DLG4: variants seen among roughly 807,000 people sequenced by gnomAD.
DLG4 encodes discs large MAGUK scaffold protein 4, also known as disks large homolog 4.
A neutral mutation model predicts 93.8 loss-of-function variants in DLG4; 7 were observed. The ratio of observed to expected loss-of-function variants is 0.07; its 90% CI spans 0.04 to 0.14. The LOEUF is 0.14. Among genes scored for constraint, DLG4 ranks in the 10% least tolerant of loss-of-function variants. The probability of loss-of-function intolerance (pLI) is 1.00; values close to 1 mark genes in which losing one functional copy is unlikely to be tolerated. For synonymous variants in DLG4, 341 were observed against 387.6 expected (o/e 0.88, Z 1.41); for missense variants, 545 against 992.9 (o/e 0.55, Z 6.06).
chr17:7,191,856 G>T lies in DLG4; in HGVS notation c.1976+37C>A. The T allele has an allele frequency of 7.3e-7, 1 of 1,370,478 alleles. No homozygotes were observed. The highest frequency in any genetic ancestry group is 9.7e-7 in the Non-Finnish European group (1 of 1,030,070). 84.9% of individuals were successfully genotyped at this position (1,370,478 alleles called of 1,614,324 possible). On this transcript the variant is annotated intron_variant, in intron 18 of 19. Transcript: ENST00000399506. The surrounding 1 kb of genome is among the most constrained non-coding windows in gnomAD (Gnocchi z 6.6). ...TGTGAGGCCCAGGGCCACAGGTGTTGGGGGAGCAAAGGGGAGGCCCCCAGG... is the reference window on the plus strand; with the variant it reads ...TGTGAGGCCCAGGGCCACAGGTGTTTGGGGAGCAAAGGGGAGGCCCCCAGG...
Position 7,194,204 on chromosome 17 carries a change from G to C in DLG4, c.1478+115C>G. ...CCACGGACCCCAGGAGGGCCCAACA[G>C]ACAAACCCCTAGGAGTTCAGAGGGC... On this transcript the variant is annotated intron_variant, in intron 12 of 19. Coordinates refer to ENST00000399506, the MANE Select transcript of DLG4 (RefSeq NM_001321075.3). This position sits in a 1 kb window ranked among gnomAD's most constrained non-coding sequence, Gnocchi z 4.4. 1 of 1,423,424 alleles carries C rather than the reference G, an allele frequency of 7.0e-7. No homozygotes were observed. Among genetic ancestry groups the C allele is most frequent in the South Asian group, 1.4e-5 (1 of 71,692 alleles). 88.2% of individuals were successfully genotyped at this position (1,423,424 alleles called of 1,614,324 possible). A position where few individuals can be genotyped will look rare whatever the true frequency, so the allele number is the denominator to read the frequency against.
rs911866157 is a variant in DLG4, at chr17:7,187,718, A to G, written c.*2990T>C. 1.4e-4 allele frequency among the ~76,000 whole-genome samples: 21 copies of G among 152,050 alleles called. No homozygotes were observed. The highest frequency in any genetic ancestry group is 5.1e-4 in the African/African-American group (21 of 41,398). Reference sequence around the variant, plus strand: ...CCTTCAGCTCACGATAGAGAACGTTATCACAGCCTCAAGCCATCTGCTATT... The same window carrying G: ...CCTTCAGCTCACGATAGAGAACGTTGTCACAGCCTCAAGCCATCTGCTATT... On this transcript the variant is annotated 3_prime_UTR_variant, in exon 20 of 20. Coordinates refer to ENST00000399506, the MANE Select transcript of DLG4 (RefSeq NM_001321075.3).
intron 2 of DLG4, chr17:7,207,939 C>T (rs535146550): frequency 1.3e-6 from 1 of 765,908 alleles, no homozygotes; most frequent in Admixed American, 4.5e-5. Context: ...CCCAGGAGCC[C>T]AAGCCCCAAA....
chr17:7,190,963 CTTTTTTTTTTTTT>C, intron 19 of DLG4, 149 bp from the exon 20 acceptor site: 1 of 347,444 alleles, frequency 2.9e-6, no homozygotes, highest in Admixed American at 4.7e-5. Context: ...AGGGGCACCT[CTTTTTTTTTTTTT>C]TTTTTTTTTT....
Position 7,187,311 on chromosome 17 carries a change from G to T in DLG4, c.*3397C>A, listed in dbSNP as rs890330666. On this transcript the variant is annotated 3_prime_UTR_variant, in exon 20 of 20. Transcript: ENST00000399506. ...TCCTAGCACTTTGGGAGGCCGAGGG[G>T]GGGGGGGGTGGATCACCCGAGGTCA... 2.4e-5 allele frequency among the ~76,000 whole-genome samples: 3 copies of T among 125,690 alleles called. No individual in the cohort carries two copies. Among genetic ancestry groups the T allele is most frequent in the East Asian group, 4.9e-4 (2 of 4,114 alleles). 82.5% of individuals were successfully genotyped at this position (125,690 alleles called of 152,430 possible). A position where few individuals can be genotyped will look rare whatever the true frequency, so the allele number is the denominator to read the frequency against.
In DLG4 at chr17:7,217,591, G is replaced by T; in HGVS notation, c.-444C>A. 7.2e-7 allele frequency: 1 copy of T among 1,386,836 alleles called. No individual in the cohort carries two copies. Among genetic ancestry groups the T allele is most frequent in the South Asian group, 1.4e-5 (1 of 69,276 alleles). 85.9% of individuals were successfully genotyped at this position (1,386,836 alleles called of 1,614,324 possible). A position where few individuals can be genotyped will look rare whatever the true frequency, so the allele number is the denominator to read the frequency against. ...GGGTTGGAAACGGCAGCGGCCGAGG[G>T]AGCCGTGGAGCCGAAGAGGGAAGGG... On this transcript the variant is annotated 5_prime_UTR_variant, in exon 1 of 20. Coordinates refer to ENST00000399506, the MANE Select transcript of DLG4 (RefSeq NM_001321075.3).
At chr17:7,218,453 A>T (rs2071035925), upstream of DLG4, 5 of 1,440,346 alleles carry the variant, frequency 3.5e-6, no homozygotes, top group Non-Finnish European at 4.8e-6. Flanking sequence ...TCCAGCTTGG[A>T]CCAAATGATC....
Position 7,191,743 on chromosome 17 carries a change from C to A in DLG4, c.1976+150G>T. 1 of 597,316 alleles carries A rather than the reference C, an allele frequency of 1.7e-6. No individual in the cohort carries two copies. Among genetic ancestry groups the A allele is most frequent in the East Asian group, 2.8e-5 (1 of 35,808 alleles). 37.0% of individuals were successfully genotyped at this position (597,316 alleles called of 1,614,324 possible). A position where few individuals can be genotyped will look rare whatever the true frequency, so the allele number is the denominator to read the frequency against. On this transcript the variant is annotated intron_variant, in intron 18 of 19. Transcript: ENST00000399506. This position sits in a 1 kb window ranked among gnomAD's most constrained non-coding sequence, Gnocchi z 6.6. ...AGAGGAGGGGAAAGACCCGATTCCC[C>A]CACATCCTCTGGGTTCCAGGGATCC...
rs2069331715 is a variant in DLG4, at chr17:7,187,702, C to T, written c.*3006G>A. 6.6e-6 allele frequency among the ~76,000 whole-genome samples: 1 copy of T among 152,106 alleles called. No homozygotes were observed. The highest frequency in any genetic ancestry group is 2.1e-4 in the South Asian group (1 of 4,830). The stretch of plus-strand genomic sequence containing the variant: ...AGCTCCTAGATTTCTCCCTTCAGCT[C>T]ACGATAGAGAACGTTATCACAGCCT... On this transcript the variant is annotated 3_prime_UTR_variant, in exon 20 of 20. Coordinates refer to ENST00000399506, the MANE Select transcript of DLG4 (RefSeq NM_001321075.3).
At chr17:7,202,732 T>C (rs762330636) in intron 8 of DLG4, 171 bp downstream of exon 8, 12 of 855,434 alleles carry the variant, frequency 1.4e-5, no homozygotes, top group Non-Finnish European at 1.8e-5. Context: ...TTCTAGTTCT[T>C]TTATGGTAAT....
At position 7,208,141 on chromosome 17, in the gene DLG4, C is replaced by T. The variant is rs1237367467; in HGVS notation, c.96+33G>A. ...CAGCCTCGAGGTGGGACAAGTTCCT[C>T]TCCGCCACGTGCACCAGCTCGGGGG... On this transcript the variant is annotated intron_variant, in intron 2 of 19. Coordinates refer to ENST00000399506, the MANE Select transcript of DLG4 (RefSeq NM_001321075.3). The surrounding 1 kb of genome is among the most constrained non-coding windows in gnomAD (Gnocchi z 5.4). 7.6e-7 allele frequency: 1 copy of T among 1,319,606 alleles called. No individual in the cohort carries two copies. The allele number at this position is 1,319,606 out of a possible 1,614,324, so 81.7% of individuals were successfully genotyped here. A position where few individuals can be genotyped will look rare whatever the true frequency, so the allele number is the denominator to read the frequency against.
At position 7,187,316 on chromosome 17, in the gene DLG4, G is replaced by GA. The variant is rs1317130353; in HGVS notation, c.*3391_*3392insT. The stretch of plus-strand genomic sequence containing the variant: ...GCACTTTGGGAGGCCGAGGGGGGGG[G>GA]GGGTGGATCACCCGAGGTCAGGAGT... On this transcript the variant is annotated 3_prime_UTR_variant, in exon 20 of 20. Transcript: ENST00000399506. Among the ~76,000 whole-genome samples the GA allele has an allele frequency of 2.5e-5, 3 of 121,798 alleles. No individual in the cohort carries two copies. Among genetic ancestry groups the GA allele is most frequent in the African/African-American group, 7.8e-5 (3 of 38,254 alleles). 79.9% of individuals were successfully genotyped at this position (121,798 alleles called of 152,430 possible).
intron 8 of DLG4, among the ~76,000 whole-genome samples, chr17:7,200,457 C>G (rs2070060050): frequency 6.6e-6 from 1 of 151,842 alleles, no homozygotes; most frequent in Non-Finnish European, 1.5e-5. Context: ...TTTTCTATGG[C>G]AAAAGGGGGC....
At position 7,217,256 on chromosome 17, in the gene DLG4, AG is replaced by A. The variant is rs1448142533; in HGVS notation, c.-110del. 3.1e-5 allele frequency: 32 copies of A among 1,039,668 alleles called. No individual in the cohort carries two copies. The highest frequency in any genetic ancestry group is 8.2e-5 in the East Asian group (1 of 12,240). 64.4% of individuals were successfully genotyped at this position (1,039,668 alleles called of 1,614,324 possible). On this transcript the variant is annotated 5_prime_UTR_variant, in exon 1 of 20. Transcript: ENST00000399506. ...TCCCCCCTCCGCACCCCACTTTTGC[AG>A]GGGGGGCCAGGATGGGGGGAGGGGT...
At chr17:7,209,673 G>C (rs2070631856) in intron 1 of DLG4, among the ~76,000 whole-genome samples, 1 of 152,158 alleles carries the variant, frequency 6.6e-6, no homozygotes, top group Non-Finnish European at 1.5e-5. Context: ...AGGAGGCTGA[G>C]GTGGGAGGAT....
intron 8 of DLG4, among the ~76,000 whole-genome samples, chr17:7,197,705 G>C (rs897500087): frequency 1.3e-5 from 2 of 152,028 alleles, no homozygotes; most frequent in African/African-American, 4.8e-5. Flanking sequence ...GGCTGGTCTG[G>C]AACTTCTGAA....
rs752385631 is a variant in DLG4, at chr17:7,196,442, C to T, written c.1186+31G>A. The T allele has an allele frequency of 1.2e-6, 2 of 1,612,944 alleles. No individual in the cohort carries two copies. The highest frequency in any genetic ancestry group is 2.2e-5 in the South Asian group (2 of 91,056). On this transcript the variant is annotated intron_variant, in intron 10 of 19. Transcript: ENST00000399506. This position sits in a 1 kb window ranked among gnomAD's most constrained non-coding sequence, Gnocchi z 8.3. ...GGAAGAGTTCTAAGGGCCATTTCAG[C>T]TCACAAGACAAGGAACTTCCGGCCT...
chr17:7,194,080 C>T lies in DLG4; in HGVS notation c.1479-80G>A. The T allele has an allele frequency of 6.5e-7, 1 of 1,550,298 alleles. No homozygotes were observed. The highest frequency in any genetic ancestry group is 1.2e-5 in the South Asian group (1 of 84,350). ...CCCATGCTCTGAGCCAGCTGACAAC[C>T]CCTTCTCCATACTCTGGGCCAGCTG... On this transcript the variant is annotated intron_variant, in intron 12 of 19. Coordinates refer to ENST00000399506, the MANE Select transcript of DLG4 (RefSeq NM_001321075.3). The surrounding 1 kb of genome is among the most constrained non-coding windows in gnomAD (Gnocchi z 4.4).
At position 7,187,307 on chromosome 17, in the gene DLG4, AGGGGGG is replaced by A. The variant is rs755045165; in HGVS notation, c.*3395_*3400del. On this transcript the variant is annotated 3_prime_UTR_variant, in exon 20 of 20. Coordinates refer to ENST00000399506, the MANE Select transcript of DLG4 (RefSeq NM_001321075.3). ...GTAATCCTAGCACTTTGGGAGGCCG[AGGGGGG>A]GGGGGGTGGATCACCCGAGGTCAGG... Among the ~76,000 whole-genome samples, 1 of 45,416 alleles carries A rather than the reference AGGGGGG, an allele frequency of 2.2e-5. No individual in the cohort carries two copies. The highest frequency in any genetic ancestry group is 6.1e-5 in the Non-Finnish European group (1 of 16,434). 29.8% of individuals were successfully genotyped at this position (45,416 alleles called of 152,430 possible).
Sources: allele counts gnomAD v4.1 joint callset (sites outside exome capture counted in the v4.1 genomes callset), GRCh38; gene constraint gnomAD v4.1.1; non-coding constraint Gnocchi (gnomAD v3.1); transcripts MANE v1.5; gene names NCBI Gene and HGNC (gene_info 2026-07-23, HGNC 2026-07-21).